SYNCRIP: variants seen among roughly 807,000 people sequenced by gnomAD.
The protein encoded by SYNCRIP is synaptotagmin binding cytoplasmic RNA interacting protein, also known as heterogeneous nuclear ribonucleoprotein Q.
SYNCRIP carries 9 observed loss-of-function variants against 68.9 expected under a neutral mutation model. That is an observed-to-expected ratio of 0.13 (90% confidence interval 0.08 to 0.23). The LOEUF is 0.23. Ranked by LOEUF, SYNCRIP falls within the 10% of genes least tolerant of loss-of-function variation. The pLI is 1.00. For missense variants in SYNCRIP, 414 were observed against 770.6 expected, an observed-to-expected ratio of 0.54 and a Z score of 5.48; for synonymous variants, 258 against 254.0, an observed-to-expected ratio of 1.02 and a Z score of -0.15.
chr6:85,629,088 TG>T (rs1283984959), intron 6 of SYNCRIP, among the ~76,000 whole-genome samples: 3 of 151,836 alleles, frequency 2.0e-5, no homozygotes, highest in Non-Finnish European at 2.9e-5. Context: ...AAAAAGGGGG[TG>T]GGGGGTGCTA....
chr6:85,640,868 C>T (rs1554189918), intron 2 of SYNCRIP, among the ~76,000 whole-genome samples: 15 of 152,152 alleles, frequency 9.9e-5, no homozygotes, highest in Non-Finnish European at 1.5e-5. Context: ...AATCAACCAA[C>T]AAAGTACCAA....
At chr6:85,642,244 G>T (rs897646383) in intron 1 of SYNCRIP, among the ~76,000 whole-genome samples, 1 of 152,050 alleles carries the variant, frequency 6.6e-6, no homozygotes, top group Non-Finnish European at 1.5e-5. Flanking sequence ...CGTGACACAT[G>T]GCTCTCCGCC....
intron 2 of SYNCRIP, 41 bp downstream of exon 2, chr6:85,641,251 G>A (rs1237499679): frequency 2.6e-6 from 4 of 1,565,952 alleles, no homozygotes; most frequent in Non-Finnish European, 2.6e-6. Flanking sequence ...AAATCCAATA[G>A]AAAAATTTCA....
chr6:85,617,831 C>T (rs1347207817), intron 10 of SYNCRIP, among the ~76,000 whole-genome samples: 1 of 152,210 alleles, frequency 6.6e-6, no homozygotes, highest in Non-Finnish European at 1.5e-5. Flanking sequence ...TTATTGCTCT[C>T]ACATTCAAGA....
chr6:85,628,800 CA>C (rs772707520), intron 6 of SYNCRIP, among the ~76,000 whole-genome samples: 1 of 152,184 alleles, frequency 6.6e-6, no homozygotes, highest in African/African-American at 2.4e-5. Context: ...CTCAGGCTAT[CA>C]AAAGTTTTTC....
Position 85,615,079 on chromosome 6 carries a change from G to T in SYNCRIP, c.1549C>A (p.Pro517Thr), listed in dbSNP as rs1410109023. The part of the protein sequence containing the change: ...APSRGRGAAP[P>T]RGRAGYSQRG... ...TGTGAATAACCGGCTCTACCGCGGG[G>T]AGGAGCAGCCCCACGACCTCTGGAT... The change falls in exon 11 of 11, where the codon CCC becomes ACC. Residue 517 changes from proline (P) to threonine (T), a missense_variant. Transcript: ENST00000369622. 4 of 1,613,980 alleles carry T rather than the reference G, an allele frequency of 2.5e-6. No individual in the cohort carries two copies. Among genetic ancestry groups the T allele is most frequent in the Non-Finnish European group, 3.4e-6 (4 of 1,180,026 alleles).
At chr6:85,619,082 G>A (rs2128281912) in intron 9 of SYNCRIP, 143 bp from the exon 10 acceptor site, 2 of 1,162,428 alleles carry the variant, frequency 1.7e-6, no homozygotes, top group East Asian at 2.5e-5. Flanking sequence ...ATTTAAAGAT[G>A]CAGATATTCA....
chr6:85,638,794 T>G (rs1381999111), intron 4 of SYNCRIP, among the ~76,000 whole-genome samples: 1 of 152,218 alleles, frequency 6.6e-6, no homozygotes, highest in Non-Finnish European at 1.5e-5. Context: ...TTAACCTTAA[T>G]AGTTAAGACC....
In SYNCRIP at chr6:85,614,514, C is replaced by A; in HGVS notation, c.*242G>T. The A allele has an allele frequency of 8.3e-7, 1 of 1,204,072 alleles. No homozygotes were observed. The highest frequency in any genetic ancestry group is 1.0e-6 in the Non-Finnish European group (1 of 969,760). 74.6% of individuals were successfully genotyped at this position (1,204,072 alleles called of 1,614,324 possible). ...AGCCAAATTTTCTCAAGCACAAATG[C>A]AAACTCATTAACTATTTCTTTCAGT... On this transcript the variant is annotated 3_prime_UTR_variant, in exon 11 of 11. Transcript: ENST00000369622.
chr6:85,630,016 G>A (rs1192446599), intron 6 of SYNCRIP, among the ~76,000 whole-genome samples: 3 of 151,236 alleles, frequency 2.0e-5, no homozygotes, highest in Non-Finnish European at 2.9e-5. Context: ...CATCATGACA[G>A]TATACATAAC....
rs1305013590 is a variant in SYNCRIP at position 85,613,998 on chromosome 6, A to G, written c.*758T>C. The stretch of plus-strand genomic sequence containing the variant: ...AACTTACTACATGTATTATCTTTTT[A>G]TTTTTGATGGGAACATGAAGTCTGT... On this transcript the variant is annotated 3_prime_UTR_variant, in exon 11 of 11. Transcript: ENST00000369622. 1.0e-6 allele frequency: 1 copy of G among 984,836 alleles called. No individual in the cohort carries two copies. Among genetic ancestry groups the G allele is most frequent in the Non-Finnish European group, 1.2e-6 (1 of 829,388 alleles). The allele number at this position is 984,836 out of a possible 1,614,324, so 61.0% of individuals were successfully genotyped here.
intron 6 of SYNCRIP, among the ~76,000 whole-genome samples, chr6:85,629,923 G>A (rs916883753): frequency 6.6e-6 from 1 of 151,678 alleles, no homozygotes; most frequent in South Asian, 2.1e-4. Flanking sequence ...GACAGAGGTT[G>A]CAGTGAGCTG....
chr6:85,614,424 C>T lies in SYNCRIP; in HGVS notation c.*332G>A, dbSNP rs760158258. The T allele has an allele frequency of 7.8e-6, 8 of 1,025,656 alleles. No individual in the cohort carries two copies. The highest frequency in any genetic ancestry group is 9.3e-6 in the Non-Finnish European group (8 of 857,068). The allele number at this position is 1,025,656 out of a possible 1,614,324, so 63.5% of individuals were successfully genotyped here. ...AGACACACTTGGTTTTAATCAACTACCTTTGAAGACACCAAATCTAAACAC... is the reference window on the plus strand; with the variant it reads ...AGACACACTTGGTTTTAATCAACTATCTTTGAAGACACCAAATCTAAACAC... On this transcript the variant is annotated 3_prime_UTR_variant, in exon 11 of 11. Transcript: ENST00000369622.
chr6:85,617,973 G>A (rs1435991302), intron 10 of SYNCRIP, among the ~76,000 whole-genome samples: 1 of 152,032 alleles, frequency 6.6e-6, no homozygotes. Flanking sequence ...TCCCTAATTA[G>A]TATAACTCAT....
intron 8 of SYNCRIP, 64 bp downstream of exon 8, chr6:85,622,412 CCCCCCA>C: frequency 7.4e-7 from 1 of 1,352,530 alleles, no homozygotes. Flanking sequence ...ATTTTATGTT[CCCCCCA>C]CCCCAACCCC....
intron 8 of SYNCRIP, among the ~76,000 whole-genome samples, chr6:85,620,383 G>A (rs1466245551): frequency 6.6e-6 from 1 of 152,116 alleles, no homozygotes; most frequent in African/African-American, 2.4e-5. Context: ...TGACATAGAA[G>A]AACTTTAAAT....
chr6:85,624,976 CA>C (rs1562090115), intron 6 of SYNCRIP, among the ~76,000 whole-genome samples: 1 of 152,220 alleles, frequency 6.6e-6, no homozygotes, highest in African/African-American at 2.4e-5. Context: ...TGGAGCTACA[CA>C]AACTAAAGAA....
chr6:85,629,142 A>G (rs1583286587), intron 6 of SYNCRIP, among the ~76,000 whole-genome samples: 1 of 152,094 alleles, frequency 6.6e-6, no homozygotes, highest in African/African-American at 2.4e-5. Context: ...CACTGACTTT[A>G]TTACAAGTTT....
At chr6:85,631,579 G>C (rs959486933) in intron 6 of SYNCRIP, among the ~76,000 whole-genome samples, 2 of 152,186 alleles carry the variant, frequency 1.3e-5, no homozygotes, top group Admixed American at 1.3e-4. Flanking sequence ...TGGTACCTTA[G>C]ACTAACTAGG....
Sources: allele counts gnomAD v4.1 joint callset (sites outside exome capture counted in the v4.1 genomes callset), GRCh38; gene constraint gnomAD v4.1.1; transcripts MANE v1.5; gene names NCBI Gene and HGNC (gene_info 2026-07-23, HGNC 2026-07-21).